Variants in SEM1 observed in about 807,000 individuals in gnomAD.
SEM1 encodes the protein 26S proteasome complex subunit SEM1.
A neutral mutation model predicts 12.7 loss-of-function variants in SEM1; 3 were observed. The ratio of observed to expected loss-of-function variants is 0.24; its 90% CI spans 0.11 to 0.61. The LOEUF (loss-of-function observed/expected upper bound fraction) is 0.61. Among genes scored for constraint, SEM1 ranks in the 20% least tolerant of loss-of-function variants. The pLI, the probability that SEM1 is intolerant of heterozygous loss-of-function variation, is 0.88. For missense variants in SEM1, 59 were observed against 81.3 expected (o/e 0.73, Z 1.06); for synonymous variants, 30 against 27.8 (o/e 1.08, Z -0.25).
At chr7:96,704,165 G>C (rs554389005) in intron 1 of SEM1, among the ~76,000 whole-genome samples, 1 of 152,016 alleles carries the variant, frequency 6.6e-6, no homozygotes, top group South Asian at 2.1e-4. Flanking sequence ...AATCAAGTAG[G>C]AGGAAATAGT....
At chr7:96,531,751 CCCTATTATTA>C (rs1804650304) in intron 2 of SEM1, among the ~76,000 whole-genome samples, 1 of 151,994 alleles carries the variant, frequency 6.6e-6, no homozygotes, top group African/African-American at 2.4e-5. Flanking sequence ...TTAACATTTA[CCCTATTATTA>C]CTGGTAGTTA....
At chr7:96,632,784 G>GTTTTTTTTTTTTTTTTTTTTT (rs11296451) in intron 2 of SEM1, among the ~76,000 whole-genome samples, 1 of 110,188 alleles carries the variant, frequency 9.1e-6, no homozygotes, top group African/African-American at 3.1e-5. Context: ...GTTGTTTTTT[G>GTTTTTTTTTTTTTTTTTTTTT]TTTTTTTTTT....
chr7:96,583,032 T>C lies in SEM1; in HGVS notation c.171-76334A>G, dbSNP rs371350388. Among the ~76,000 whole-genome samples, 106 of 151,730 alleles carry C rather than the reference T, an allele frequency of 7.0e-4. No individual in the cohort carries two copies. The East Asian group carries it at 0.014, about 21-fold the overall frequency. Reference sequence around the variant, plus strand: ...TCTGCTATCTTTTGAATGTGTTTGCTCTTGCTTTTCTAGTTCCTTTAATTG... The same window carrying C: ...TCTGCTATCTTTTGAATGTGTTTGCCCTTGCTTTTCTAGTTCCTTTAATTG... On this transcript the variant is annotated intron_variant and NMD_transcript_variant, in intron 2 of 3. Transcript: ENST00000466986.
At chr7:96,682,515 T>C (rs1789644584) in intron 2 of SEM1, among the ~76,000 whole-genome samples, 1 of 152,078 alleles carries the variant, frequency 6.6e-6, no homozygotes, top group Admixed American at 6.6e-5. Flanking sequence ...TGACATTGGC[T>C]GTGGGTTTGT....
chr7:96,581,458 T>A (rs1806405552), intron 2 of SEM1, among the ~76,000 whole-genome samples: 1 of 151,758 alleles, frequency 6.6e-6, no homozygotes, highest in Non-Finnish European at 1.5e-5. Context: ...ATGCGGGCTC[T>A]TTTTTGGTTC....
intron 3 of SEM1, among the ~76,000 whole-genome samples, chr7:96,505,701 C>A (rs942880796): frequency 6.6e-6 from 1 of 151,980 alleles, no homozygotes; most frequent in African/African-American, 2.4e-5. Context: ...CAATGTTTGG[C>A]GAGGGTCCAC....
chr7:96,661,006 C>A (rs1460905658), intron 2 of SEM1, among the ~76,000 whole-genome samples: 1 of 152,104 alleles, frequency 6.6e-6, no homozygotes, highest in Non-Finnish European at 1.5e-5. Flanking sequence ...TAAACATTTA[C>A]GTGATTCTTA....
chr7:96,487,490 C>T lies in SEM1; in HGVS notation c.13-1073G>A, dbSNP rs535876153. 2.7e-4 allele frequency among the ~76,000 whole-genome samples: 40 copies of T among 149,904 alleles called. 3 individuals carry two copies. The highest frequency in any genetic ancestry group is 6.6e-4 in the African/African-American group (26 of 39,334). ...GGACCCCCTTTAATTTTGTGCCCTA[C>T]GGTGAGTGGCTGACTCGCCTCACTC... On this transcript the variant is annotated intron_variant, in intron 1 of 3. Coordinates refer to the SEM1 transcript ENST00000356686.
intron 2 of SEM1, among the ~76,000 whole-genome samples, chr7:96,631,087 G>A (rs1314006762): frequency 6.6e-6 from 1 of 152,142 alleles, no homozygotes; most frequent in Non-Finnish European, 1.5e-5. Flanking sequence ...CACAAGCTGT[G>A]CAGCCTGGGG....
intron 1 of SEM1, among the ~76,000 whole-genome samples, chr7:96,492,585 A>ATTTTTTTTTTTTTTTTTTTTTTTTTTTT (rs59252542): frequency 1.3e-5 from 1 of 79,676 alleles, no homozygotes; most frequent in African/African-American, 5.3e-5. Context: ...AATTTTTTGT[A>ATTTTTTTTTTTTTTTTTTTTTTTTTTTT]TTTTTTTTTT....
chr7:96,583,236 A>T (rs1293513524), intron 2 of SEM1, among the ~76,000 whole-genome samples: 3 of 148,436 alleles, frequency 2.0e-5, no homozygotes, highest in Non-Finnish European at 3.0e-5. Context: ...TGTATCCAGT[A>T]GTCATTCAGG....
intron 2 of SEM1, among the ~76,000 whole-genome samples, chr7:96,526,838 C>T (rs1804479978): frequency 6.6e-6 from 1 of 151,926 alleles, no homozygotes; most frequent in Non-Finnish European, 1.5e-5. Flanking sequence ...ATATTAGTTT[C>T]AATGACAGTC....
chr7:96,574,394 ATACG>A (rs773254374), intron 2 of SEM1, among the ~76,000 whole-genome samples: 1 of 150,868 alleles, frequency 6.6e-6, no homozygotes, highest in African/African-American at 2.4e-5. Context: ...CGCAATAAAC[ATACG>A]TGTGCATGTA....
intron 2 of SEM1, among the ~76,000 whole-genome samples, chr7:96,565,954 C>T (rs1307559907): frequency 6.6e-6 from 1 of 151,740 alleles, no homozygotes; most frequent in Non-Finnish European, 1.5e-5. Flanking sequence ...AAATTAATGT[C>T]AACAATATAC....
intron 2 of SEM1, among the ~76,000 whole-genome samples, chr7:96,567,815 AT>A (rs1172730971): frequency 3.3e-5 from 5 of 151,474 alleles, no homozygotes; most frequent in African/African-American, 9.7e-5. Context: ...AATAATCTTA[AT>A]TTTTTGTCTT....
In SEM1 at chr7:96,590,415, C is replaced by T. The variant is rs539792566; in HGVS notation, c.171-83717G>A. 5.2e-3 allele frequency among the ~76,000 whole-genome samples: 798 copies of T among 152,228 alleles called. 10 individuals carry two copies. The highest frequency in any genetic ancestry group is 0.018 in the African/African-American group (763 of 41,520). ...CTTTGCCATTTTTATTTCTACAAGTCACAGGAAACTCCACGAACAAGCACT... is the reference window on the plus strand; with the variant it reads ...CTTTGCCATTTTTATTTCTACAAGTTACAGGAAACTCCACGAACAAGCACT... On this transcript the variant is annotated intron_variant and NMD_transcript_variant, in intron 2 of 3. Coordinates refer to the SEM1 transcript ENST00000466986.
chr7:96,639,241 GA>G (rs1808518683), intron 2 of SEM1, among the ~76,000 whole-genome samples: 2 of 150,854 alleles, frequency 1.3e-5, no homozygotes, highest in Non-Finnish European at 2.9e-5. Flanking sequence ...AGTTAAAAGG[GA>G]AGTTTCATTT....
At position 96,598,394 on chromosome 7, in the gene SEM1, ATTT is replaced by A. The variant is rs67429460; in HGVS notation, c.171-91699_171-91697del. On this transcript the variant is annotated intron_variant and NMD_transcript_variant, in intron 2 of 3. Transcript: ENST00000466986. ...ATATTGTATAAAGATTCAGACTTGGATTTTTTTTTTTTTTTCCCCCAAATAGAG... is the reference window on the plus strand; with the variant it reads ...ATATTGTATAAAGATTCAGACTTGGATTTTTTTTTTTTCCCCCAAATAGAG... Among the ~76,000 whole-genome samples the A allele has an allele frequency of 6.4e-3, 925 of 144,812 alleles. 4 individuals are homozygous for A. Among genetic ancestry groups the A allele is most frequent in the South Asian group, 0.022 (99 of 4,542 alleles).
At chr7:96,651,422 GA>G (rs56816878) in intron 2 of SEM1, among the ~76,000 whole-genome samples, 50,246 of 150,118 alleles carry the variant, frequency 0.33, 9,798 homozygotes, top group African/African-American at 0.55. Flanking sequence ...GTAGACTCAA[GA>G]AAAAAAAAAT....
Sources: allele counts gnomAD v4.1 joint callset (sites outside exome capture counted in the v4.1 genomes callset), GRCh38; gene constraint gnomAD v4.1.1; transcripts MANE v1.5; gene names NCBI Gene and HGNC (gene_info 2026-07-23, HGNC 2026-07-21).